The following ASAP2 variants were observed in gnomAD, a reference collection of about 807,000 sequenced individuals.
ASAP2 encodes the protein arf-GAP with SH3 domain, ANK repeat and PH domain-containing protein 2.
In ASAP2, 45 loss-of-function variants were observed where a neutral mutation model predicts 131.4. The observed-to-expected ratio is 0.34, with a 90% CI of 0.27 to 0.44. The LOEUF is 0.44. Ranked by LOEUF, ASAP2 falls within the 20% of genes least tolerant of loss-of-function variation. The pLI is 1.00. For missense variants in ASAP2, 1,011 were observed against 1,297.0 expected (o/e 0.78, Z 3.39); for synonymous variants, 510 against 503.0 (o/e 1.01, Z -0.19).
rs1315120968 is a variant in ASAP2, at chr2:9,405,099, T to A, written c.*1772T>A. The A allele has an allele frequency of 6.6e-6, 1 of 152,464 alleles. No individual in the cohort carries two copies. The highest frequency in any genetic ancestry group is 1.5e-5 in the Non-Finnish European group (1 of 68,036). The allele number at this position is 152,464 out of a possible 1,614,324, so 9.4% of individuals were successfully genotyped here. ...GAATAAAGTTGATTCATATCAACAT[T>A]AGAACTCCAGTCCCAAACTAATCTG... On this transcript the variant is annotated 3_prime_UTR_variant, in exon 28 of 28. Transcript: ENST00000281419.
Position 9,400,091 on chromosome 2 carries a change from A to G in ASAP2, c.2734+19A>G. On this transcript the variant is annotated intron_variant, in intron 25 of 27. Coordinates refer to ENST00000281419, the MANE Select transcript of ASAP2 (RefSeq NM_003887.3). Reference sequence around the variant, plus strand: ...GGACCTGGTAATTATTTAATTTGGGACTGAGTTTGTTTCTGCTTGGTCCAT... The same window carrying G: ...GGACCTGGTAATTATTTAATTTGGGGCTGAGTTTGTTTCTGCTTGGTCCAT... The G allele has an allele frequency of 6.2e-7, 1 of 1,610,150 alleles. No homozygotes were observed. The highest frequency in any genetic ancestry group is 8.5e-7 in the Non-Finnish European group (1 of 1,178,012).
chr2:9,239,106 G>GT (rs1263891699), intron 1 of ASAP2, among the ~76,000 whole-genome samples: 8 of 152,170 alleles, frequency 5.3e-5, no homozygotes, highest in Admixed American at 2.6e-4. Flanking sequence ...TAGTTTGCTG[G>GT]TTTTTTTGTC....
chr2:9,260,141 A>G (rs964042145), intron 1 of ASAP2, among the ~76,000 whole-genome samples: 3 of 152,256 alleles, frequency 2.0e-5, no homozygotes, highest in East Asian at 3.8e-4. Flanking sequence ...TGTCAAGGCA[A>G]CAATCACTGT....
At chr2:9,372,427 G>A (rs1674052632) in intron 16 of ASAP2, among the ~76,000 whole-genome samples, 1 of 152,142 alleles carries the variant, frequency 6.6e-6, no homozygotes, top group South Asian at 2.1e-4. Context: ...GAATGTTCCA[G>A]AAACTCAAAG....
chr2:9,375,303 G>A (rs1674315855), intron 17 of ASAP2, among the ~76,000 whole-genome samples: 1 of 152,016 alleles, frequency 6.6e-6, no homozygotes, highest in Non-Finnish European at 1.5e-5. Flanking sequence ...GAAAACTGGG[G>A]CACTGTGGCA....
intron 7 of ASAP2, among the ~76,000 whole-genome samples, chr2:9,331,297 T>C (rs1670824289): frequency 6.6e-6 from 1 of 152,276 alleles, no homozygotes; most frequent in African/African-American, 2.4e-5. Context: ...TTAAGTGTTC[T>C]TAAAGAATAC....
Position 9,400,779 on chromosome 2 carries a change from C to T in ASAP2, c.2772C>T (p.Ser924=), listed in dbSNP as rs376201548. 1.9e-6 allele frequency: 3 copies of T among 1,613,766 alleles called. No homozygotes were observed. Among genetic ancestry groups the T allele is most frequent in the Non-Finnish European group, 2.5e-6 (3 of 1,179,972 alleles). ...LSATEALGPL[S]NAMVLQPPAP... ...CAACGGAAGCTCTGGGTCCTCTGTC[C>T]AATGCTATGGTCCTGCAGCCCCCTG... Residue 924 remains serine (S), a synonymous_variant, in exon 26 of 28, where the codon TCC becomes TCT. Coordinates refer to ENST00000281419, the MANE Select transcript of ASAP2 (RefSeq NM_003887.3).
At chr2:9,318,054 A>T (rs1669916598) in intron 3 of ASAP2, among the ~76,000 whole-genome samples, 1 of 152,084 alleles carries the variant, frequency 6.6e-6, no homozygotes, top group African/African-American at 2.4e-5. Context: ...TTTGCAGCAG[A>T]CAGAAGACTC....
At chr2:9,377,508 G>C (rs1210075244) in intron 18 of ASAP2, among the ~76,000 whole-genome samples, 5 of 152,178 alleles carry the variant, frequency 3.3e-5, no homozygotes, top group African/African-American at 1.2e-4. Context: ...ATGTGCACAG[G>C]CAGTTTACCA....
At chr2:9,370,085 A>C (rs7589919) in intron 16 of ASAP2, among the ~76,000 whole-genome samples, 82,474 of 151,954 alleles carry the variant, frequency 0.54, 26,807 homozygotes, top group East Asian at 0.85. Context: ...TGATCTGCCC[A>C]CCTTGGCCTC....
chr2:9,354,133 G>A lies in ASAP2; in HGVS notation c.1112-1914G>A, dbSNP rs182937214. On this transcript the variant is annotated intron_variant, in intron 12 of 27. Transcript: ENST00000281419. ...TGAGCCATTATCCGCGAACCCCATAGGCACCCTGGGAGGGATGGAAGGAAC... is the reference window on the plus strand; with the variant it reads ...TGAGCCATTATCCGCGAACCCCATAAGCACCCTGGGAGGGATGGAAGGAAC... Among the ~76,000 whole-genome samples, 201 of 152,284 alleles carry A rather than the reference G, an allele frequency of 1.3e-3. 3 individuals carry two copies. The highest frequency in any genetic ancestry group is 4.5e-3 in the African/African-American group (189 of 41,552).
chr2:9,293,795 A>G (rs543122632), intron 2 of ASAP2, among the ~76,000 whole-genome samples: 1 of 152,260 alleles, frequency 6.6e-6, no homozygotes, highest in African/African-American at 2.4e-5. Flanking sequence ...AAAATCCCCA[A>G]CTAGGCCAGT....
At chr2:9,340,318 G>A (rs62118762) in intron 9 of ASAP2, among the ~76,000 whole-genome samples, 29,043 of 152,184 alleles carry the variant, frequency 0.19, 3,321 homozygotes, top group Non-Finnish European at 0.27. Context: ...ACCGCGCCCG[G>A]CCAGCCATGT....
intron 17 of ASAP2, among the ~76,000 whole-genome samples, chr2:9,375,929 G>T (rs1217274113): frequency 2.0e-5 from 3 of 152,244 alleles, no homozygotes; most frequent in Non-Finnish European, 4.4e-5. Flanking sequence ...TGTCTTGAGA[G>T]GGTGGGCATC....
intron 1 of ASAP2, among the ~76,000 whole-genome samples, chr2:9,272,810 G>T (rs1333385181): frequency 6.6e-6 from 1 of 152,124 alleles, no homozygotes; most frequent in Non-Finnish European, 1.5e-5. Context: ...TGAAAAAATT[G>T]TCCTTTCCCC....
At chr2:9,360,390 G>A (rs1204160048) in intron 15 of ASAP2, among the ~76,000 whole-genome samples, 1 of 152,042 alleles carries the variant, frequency 6.6e-6, no homozygotes, top group East Asian at 1.9e-4. Context: ...ACAGATCTGG[G>A]GTGTGGGCCT....
At chr2:9,339,967 C>A (rs915374080) in intron 9 of ASAP2, among the ~76,000 whole-genome samples, 3 of 152,168 alleles carry the variant, frequency 2.0e-5, no homozygotes, top group Non-Finnish European at 4.4e-5. Context: ...ACAAGTGTGG[C>A]CAACGATCCT....
intron 24 of ASAP2, among the ~76,000 whole-genome samples, chr2:9,395,161 A>C (rs1676014790): frequency 6.6e-6 from 1 of 152,202 alleles, no homozygotes; most frequent in Non-Finnish European, 1.5e-5. Context: ...CAAGGAAGTC[A>C]TCAGTTCCAC....
rs10179415 is a variant in ASAP2 at position 9,302,639 on chromosome 2, T to C, written c.345+5194T>C. On this transcript the variant is annotated intron_variant, in intron 3 of 27. Transcript: ENST00000281419. The stretch of plus-strand genomic sequence containing the variant: ...ATAGGCGCGAGCCACCACACCCAGC[T>C]AAGTTTTGTATTTTTAGTACAGACG... Among the ~76,000 whole-genome samples, 835 of 152,114 alleles carry C rather than the reference T, an allele frequency of 5.5e-3. 7 individuals are homozygous for C. The highest frequency in any genetic ancestry group is 0.015 in the African/African-American group (622 of 41,470).
Sources: allele counts gnomAD v4.1 joint callset (sites outside exome capture counted in the v4.1 genomes callset), GRCh38; gene constraint gnomAD v4.1.1; transcripts MANE v1.5; gene names NCBI Gene and HGNC (gene_info 2026-07-23, HGNC 2026-07-21).